KALRN: variants seen among roughly 807,000 people sequenced by gnomAD.
KALRN encodes the protein kalirin.
In KALRN, 70 loss-of-function variants were observed where a neutral mutation model predicts 353.7. The observed-to-expected ratio is 0.20, with a 90% CI of 0.16 to 0.24. The LOEUF (loss-of-function observed/expected upper bound fraction) is 0.24, where lower values mean the gene tolerates loss of function less well. Ranked by LOEUF, KALRN falls within the 10% of genes least tolerant of loss-of-function variation. The pLI is 1.00. For missense variants in KALRN, 2,791 were observed against 3,756.7 expected (o/e 0.74, Z 6.72); for synonymous variants, 1,391 against 1,434.8 (o/e 0.97, Z 0.69).
intron 3 of KALRN, among the ~76,000 whole-genome samples, chr3:124,261,683 C>T (rs1560393422): frequency 6.6e-6 from 1 of 152,154 alleles, no homozygotes; most frequent in Non-Finnish European, 1.5e-5. Flanking sequence ...GGTAGCAACA[C>T]AGAATATTTG....
chr3:124,034,587 T>C (rs755214744), intron 1 of KALRN, among the ~76,000 whole-genome samples: 1 of 152,032 alleles, frequency 6.6e-6, no homozygotes, highest in Non-Finnish European at 1.5e-5. Flanking sequence ...GCCCCTGCCA[T>C]CGTCCAAGTC....
rs61744336 is a variant in KALRN at position 124,719,077 on chromosome 3, C to T, written c.8568C>T (p.Pro2856=). The T allele has an allele frequency of 1.7e-5, 28 of 1,614,094 alleles. No homozygotes were observed. The East Asian group carries it at 3.1e-4, about 18-fold the overall frequency. Residue 2856 remains proline (P), a synonymous_variant, in exon 60 of 60, where the codon CCC becomes CCT. Transcript: ENST00000682506. The surrounding 1 kb of genome is among the most constrained non-coding windows in gnomAD (Gnocchi z 5.3). ...FAAPEVIQGI[P]VSLGTDIWSI... is the part of the protein sequence containing the mutation. Reference sequence around the variant, plus strand: ...CCCCAGAAGTCATTCAAGGCATCCCCGTCTCCCTGGGGACAGACATCTGGA... The same window carrying T: ...CCCCAGAAGTCATTCAAGGCATCCCTGTCTCCCTGGGGACAGACATCTGGA...
rs2092845000 is a variant in KALRN at position 124,422,891 on chromosome 3, G to A, written c.2622G>A (p.Gln874=). 6.2e-7 allele frequency: 1 copy of A among 1,613,914 alleles called. No homozygotes were observed. The highest frequency in any genetic ancestry group is 1.3e-5 in the African/African-American group (1 of 75,050). Residue 874 remains glutamine (Q), a synonymous_variant, in exon 15 of 60, where the codon CAG becomes CAA. Transcript: ENST00000682506. The part of the protein sequence containing the change: ...QELLEFLHEK[Q]HELELNAEQT... ...TATTGGAATTTCTCCATGAGAAGCA[G>A]CATGAATTGGAGCTCAATGCAGAGC...
Position 124,720,952 on chromosome 3 carries a change from T to C in KALRN, c.*1482T>C, listed in dbSNP as rs2150857556. The C allele has an allele frequency of 6.6e-6, 1 of 152,348 alleles. No individual in the cohort carries two copies. Among genetic ancestry groups the C allele is most frequent in the Admixed American group, 6.5e-5 (1 of 15,302 alleles). The allele number at this position is 152,348 out of a possible 1,614,324, so 9.4% of individuals were successfully genotyped here. On this transcript the variant is annotated 3_prime_UTR_variant, in exon 60 of 60. Coordinates refer to ENST00000682506, the MANE Select transcript of KALRN (RefSeq NM_001388419.1). ...ACAAGTAAGATTTTAAAAATGTAAC[T>C]CAAGTGTTTGTTCAAATCAGGTTTA...
At chr3:124,314,197 A>G (rs529840254) in intron 6 of KALRN, among the ~76,000 whole-genome samples, 6 of 152,154 alleles carry the variant, frequency 3.9e-5, no homozygotes, top group African/African-American at 1.4e-4. Flanking sequence ...CATGTCCTTT[A>G]TAGGGACATG....
intron 23 of KALRN, among the ~76,000 whole-genome samples, chr3:124,459,867 C>A (rs2059681467): frequency 1.3e-5 from 2 of 152,124 alleles, no homozygotes; most frequent in South Asian, 4.1e-4. Context: ...AGAGCTTGTT[C>A]ATATGGGGAG....
rs780400062 is a variant in KALRN at position 124,658,435 on chromosome 3, G to A, written c.6041G>A (p.Arg2014Gln). Reference protein sequence around the residue: ...RLAQLFIKHERKLHIYVWYCQ... With the variant: ...RLAQLFIKHEQKLHIYVWYCQ... The stretch of plus-strand genomic sequence containing the variant: ...TGTCTCTCTCTGCTCTTTCAGGAGC[G>A]GAAGCTGCACATCTACGTGTGGTAT... Residue 2014 changes from arginine (R) to glutamine (Q), a missense_variant, in exon 42 of 60, where the codon CGG becomes CAG. Arg to Gln is a conservative substitution (Grantham distance 43). This residue lies in a region of KALRN where 1,065 missense variants were observed against 1,156.4 expected (regional missense o/e 0.92). Transcript: ENST00000682506. The A allele has an allele frequency of 1.2e-5, 19 of 1,612,224 alleles. No individual in the cohort carries two copies. The highest frequency in any genetic ancestry group is 3.3e-4 in the Middle Eastern group (2 of 6,056).
chr3:124,511,173 G>A (rs995247647), intron 33 of KALRN, among the ~76,000 whole-genome samples: 4 of 151,610 alleles, frequency 2.6e-5, no homozygotes, highest in South Asian at 2.1e-4. Context: ...CAGGGCATAC[G>A]TTGCCCTGAA....
chr3:124,170,831 CTTTTTTTTTTTTTTTTTTTT>C (rs752783614), intron 1 of KALRN, among the ~76,000 whole-genome samples: 2,113 of 47,132 alleles, frequency 0.045, 74 homozygotes, highest in African/African-American at 0.16. Flanking sequence ...CTTCCACATT[CTTTTTTTTTTTTTTTTTTTT>C]TTTTTTTTTT....
chr3:124,384,585 C>A (rs760234354), intron 10 of KALRN: 1 of 357,432 alleles, frequency 2.8e-6, no homozygotes, highest in Non-Finnish European at 5.1e-6. Flanking sequence ...AGGTTCTCTA[C>A]GCTCTCCCCA....
intron 33 of KALRN, among the ~76,000 whole-genome samples, chr3:124,558,761 G>C (rs1186635288): frequency 6.6e-6 from 1 of 152,260 alleles, no homozygotes; most frequent in Non-Finnish European, 1.5e-5. Flanking sequence ...TCACACAGTT[G>C]GTGAGGAGCT....
intron 32 of KALRN, among the ~76,000 whole-genome samples, chr3:124,495,996 T>TACAC (rs1348247560): frequency 3.5e-5 from 2 of 57,412 alleles, no homozygotes; most frequent in South Asian, 6.7e-4. Flanking sequence ...TATATATATA[T>TACAC]ATATATATAT....
At chr3:124,435,313 G>T (rs9289235) in intron 17 of KALRN, among the ~76,000 whole-genome samples, 5 of 151,982 alleles carry the variant, frequency 3.3e-5, no homozygotes, top group East Asian at 3.9e-4. Context: ...TCTGTCATTA[G>T]GGAACTAGAA....
At chr3:124,241,219 G>T (rs560264358) in intron 3 of KALRN, among the ~76,000 whole-genome samples, 103 of 152,234 alleles carry the variant, frequency 6.8e-4, no homozygotes, top group African/African-American at 2.4e-3. Context: ...GGGAGGTATA[G>T]TTCAGCACAT....
At chr3:124,309,622 A>G (rs2078051057) in intron 6 of KALRN, among the ~76,000 whole-genome samples, 1 of 152,180 alleles carries the variant, frequency 6.6e-6, no homozygotes, top group Non-Finnish European at 1.5e-5. Flanking sequence ...ACCACGACCA[A>G]GTGGGAGTCA....
At chr3:124,224,933 A>G (rs1230689436) in intron 1 of KALRN, among the ~76,000 whole-genome samples, 8 of 152,232 alleles carry the variant, frequency 5.3e-5, no homozygotes, top group African/African-American at 1.4e-4. Context: ...CTGACCTTGT[A>G]TAAGTCATTT....
At chr3:124,196,344 A>G (rs1017062931) in intron 1 of KALRN, among the ~76,000 whole-genome samples, 14 of 152,176 alleles carry the variant, frequency 9.2e-5, no homozygotes, top group African/African-American at 3.4e-4. Flanking sequence ...TACAGATAAT[A>G]TAATAATAAT....
chr3:124,668,034 G>C (rs1412890598), intron 47 of KALRN, among the ~76,000 whole-genome samples: 3 of 135,914 alleles, frequency 2.2e-5, no homozygotes, highest in Non-Finnish European at 3.1e-5. Flanking sequence ...ACATATGCCT[G>C]TATATCGAGA....
At chr3:124,255,175 C>T (rs1296993926) in intron 3 of KALRN, among the ~76,000 whole-genome samples, 2 of 152,148 alleles carry the variant, frequency 1.3e-5, no homozygotes, top group Non-Finnish European at 2.9e-5. Context: ...AACTCCTGAC[C>T]TCAAGTGATC....
Sources: gnomAD v4.1 joint callset for allele counts (sites outside exome capture counted in the v4.1 genomes callset) on GRCh38, gnomAD v4.1.1 for gene constraint, gnomAD v4.1.1 regional missense constraint, Gnocchi (gnomAD v3.1) non-coding constraint, MANE v1.5 for transcripts, NCBI Gene and HGNC (gene_info 2026-07-23, HGNC 2026-07-21) for gene names.